Variants in HAVCR1 observed in about 807,000 individuals in gnomAD.
HAVCR1 encodes T cell immunoglobin domain and mucin domain protein 1.
Under a neutral mutation model 32.0 loss-of-function variants are expected in HAVCR1, and 34 were observed. That is an observed-to-expected ratio of 1.06 (90% CI 0.81 to 1.42). The LOEUF (loss-of-function observed/expected upper bound fraction) is 1.42. Ranked by LOEUF, HAVCR1 falls within the 40% of genes most tolerant of loss-of-function variation. The pLI, the probability that HAVCR1 is intolerant of heterozygous loss-of-function variation, is 0.00. For missense variants in HAVCR1, 420 were observed against 442.3 expected, an observed-to-expected ratio of 0.95 and a Z score of 0.45; for synonymous variants, 178 against 170.3, an observed-to-expected ratio of 1.05 and a Z score of -0.35.
At chr5:157,036,869 GTTTT>G (rs1487592153) in intron 7 of HAVCR1, among the ~76,000 whole-genome samples, 1 of 148,518 alleles carries the variant, frequency 6.7e-6, no homozygotes, top group Non-Finnish European at 1.5e-5. Flanking sequence ...TTGTTTGTTT[GTTTT>G]GTTTTGCTTT....
the HAVCR1 span, among the ~76,000 whole-genome samples, chr5:157,065,079 G>A: frequency 6.6e-6 from 1 of 152,178 alleles, no homozygotes; most frequent in African/African-American, 2.4e-5. Context: ...TGTAATCCCA[G>A]CACTTTGGGA....
Position 157,029,506 on chromosome 5 carries a change from A to T in HAVCR1, c.*227T>A. ...AGAGAAAACTGCAATGATCAGAAGG[A>T]TTGAGCCAGTTTTAGCATAAAAAAT... On this transcript the variant is annotated 3_prime_UTR_variant, in exon 9 of 9. Transcript: ENST00000523175. 9.7e-7 allele frequency: 1 copy of T among 1,030,976 alleles called. No individual in the cohort carries two copies. Among genetic ancestry groups the T allele is most frequent in the Non-Finnish European group, 1.4e-6 (1 of 696,256 alleles). 63.9% of individuals were successfully genotyped at this position (1,030,976 alleles called of 1,614,324 possible).
intron 2 of HAVCR1, among the ~76,000 whole-genome samples, chr5:157,057,107 G>A (rs543261804): frequency 1.4e-4 from 22 of 152,000 alleles, no homozygotes; most frequent in South Asian, 1.0e-3. Context: ...ACAAGGTCAG[G>A]AGTTCAAGAT....
In HAVCR1 at chr5:157,029,469, T is replaced by A. The variant is rs1754035657; in HGVS notation, c.*264A>T. ...CTAAAAAGAACATACAATTATAAAG[T>A]GTTCATATTTGAGAGAAAACTGCAA... On this transcript the variant is annotated 3_prime_UTR_variant, in exon 9 of 9. Coordinates refer to ENST00000523175, the MANE Select transcript of HAVCR1 (RefSeq NM_001173393.3). The A allele has an allele frequency of 1.4e-6, 1 of 695,676 alleles. No homozygotes were observed. The highest frequency in any genetic ancestry group is 2.4e-6 in the Non-Finnish European group (1 of 413,352). 43.1% of individuals were successfully genotyped at this position (695,676 alleles called of 1,614,324 possible).
chr5:157,037,476 T>A, intron 6 of HAVCR1, 115 bp from the exon 7 acceptor site: 1 of 625,810 alleles, frequency 1.6e-6, no homozygotes, highest in South Asian at 1.9e-5. Flanking sequence ...TGGGGACTTC[T>A]GGAACATAAG....
upstream of HAVCR1, among the ~76,000 whole-genome samples, chr5:157,062,771 T>C (rs1581741428): frequency 6.6e-6 from 1 of 152,206 alleles, no homozygotes; most frequent in African/African-American, 2.4e-5. Context: ...TTCTTTTTTT[T>C]ATATCTTTTA....
At chr5:157,062,912 G>A (rs2113664005), upstream of HAVCR1, among the ~76,000 whole-genome samples, 1 of 152,078 alleles carries the variant, frequency 6.6e-6, no homozygotes, top group South Asian at 2.1e-4. Flanking sequence ...TTGAGGTTAG[G>A]AGTTCAAGAC....
At chr5:157,044,821 A>C (rs1460355623) in intron 5 of HAVCR1, among the ~76,000 whole-genome samples, 1 of 120,742 alleles carries the variant, frequency 8.3e-6, no homozygotes, top group Non-Finnish European at 1.7e-5. Context: ...GGGGTGATGC[A>C]GAAAAACAGC....
chr5:157,058,107 C>T (rs1756334663), intron 1 of HAVCR1, 152 bp from the exon 2 acceptor site: 2 of 630,596 alleles, frequency 3.2e-6, no homozygotes, highest in Non-Finnish European at 5.8e-6. Context: ...CCACATATAA[C>T]GGCTTCAGAG....
At chr5:157,039,451 C>A (rs574161498) in intron 6 of HAVCR1, among the ~76,000 whole-genome samples, 1 of 152,114 alleles carries the variant, frequency 6.6e-6, no homozygotes, top group South Asian at 2.1e-4. Flanking sequence ...TGGGTTGAAG[C>A]GATTCTCCTG....
Position 157,052,664 on chromosome 5 carries a change from G to A in HAVCR1, c.380-10C>T. The A allele has an allele frequency of 6.2e-7, 1 of 1,611,080 alleles. No homozygotes were observed. Among genetic ancestry groups the A allele is most frequent in the South Asian group, 1.1e-5 (1 of 90,914 alleles). On this transcript the variant is annotated splice_polypyrimidine_tract_variant and intron_variant, in intron 3 of 8. Transcript: ENST00000523175. ...GTAGTCGTGACCTTGGCTGGAGTCAGAAATCAACATGAGAGTGAGCATAAG... is the reference window on the plus strand; with the variant it reads ...GTAGTCGTGACCTTGGCTGGAGTCAAAAATCAACATGAGAGTGAGCATAAG...
intron 2 of HAVCR1, among the ~76,000 whole-genome samples, chr5:157,057,210 G>T (rs868379928): frequency 1.3e-5 from 2 of 151,522 alleles, no homozygotes; most frequent in African/African-American, 4.9e-5. Flanking sequence ...CCAGCTACTT[G>T]GGAGACTGAG....
chr5:157,038,374 T>C (rs1754665838), intron 6 of HAVCR1, among the ~76,000 whole-genome samples: 1 of 152,164 alleles, frequency 6.6e-6, no homozygotes, highest in African/African-American at 2.4e-5. Flanking sequence ...GGTATTTTAA[T>C]AGAAGGAAGG....
At chr5:157,057,458 A>G (rs952477831) in intron 2 of HAVCR1, among the ~76,000 whole-genome samples, 1 of 135,442 alleles carries the variant, frequency 7.4e-6, no homozygotes, top group Non-Finnish European at 1.6e-5. Flanking sequence ...AAAGAAAGAA[A>G]GAAAGAGAAT....
chr5:157,044,589 A>AAG (rs1755192593), intron 5 of HAVCR1, among the ~76,000 whole-genome samples: 1 of 38,128 alleles, frequency 2.6e-5, no homozygotes, highest in African/African-American at 1.4e-4. Flanking sequence ...GAAAGAAGGA[A>AAG]AGAAAGAAAG....
chr5:157,053,189 T>A (rs940803590), intron 3 of HAVCR1, among the ~76,000 whole-genome samples: 3 of 130,474 alleles, frequency 2.3e-5, no homozygotes, highest in African/African-American at 8.8e-5. Context: ...GAGTTCAGAG[T>A]TCCAGACCAG....
rs900317055 is a variant in HAVCR1, at chr5:157,031,923, C to T, written c.986+931G>A. On this transcript the variant is annotated intron_variant, in intron 8 of 8. Coordinates refer to ENST00000523175, the MANE Select transcript of HAVCR1 (RefSeq NM_001173393.3). ...GTGGAGCAGGCTGGGTAGGGAGCAG[C>T]AGGGAATGATGGAAGCTGTGGAAAA... is the stretch of plus-strand genomic sequence containing the variant. Among the ~76,000 whole-genome samples, 11 of 152,008 alleles carry T rather than the reference C, an allele frequency of 7.2e-5. No homozygotes were observed. In the East Asian group the frequency reaches 1.9e-3, roughly 27 times the overall value.
intron 6 of HAVCR1, among the ~76,000 whole-genome samples, chr5:157,039,648 C>G (rs1052773548): frequency 1.1e-4 from 17 of 152,212 alleles, no homozygotes; most frequent in African/African-American, 3.6e-4. Flanking sequence ...CGTGCCCTGC[C>G]AATGACTACA....
At chr5:157,057,766 G>C in intron 2 of HAVCR1, 132 bp downstream of exon 2, 2 of 700,374 alleles carry the variant, frequency 2.9e-6, no homozygotes, top group South Asian at 1.7e-5. Flanking sequence ...TTAACTCATA[G>C]CCATACAACG....
Sources: gnomAD v4.1 joint callset for allele counts (sites outside exome capture counted in the v4.1 genomes callset) on GRCh38, gnomAD v4.1.1 for gene constraint, MANE v1.5 for transcripts, NCBI Gene and HGNC (gene_info 2026-07-23, HGNC 2026-07-21) for gene names.